RSRC1: variants seen among roughly 807,000 people sequenced by gnomAD.
RSRC1 encodes the protein serine/Arginine-related protein 53.
RSRC1 carries 39 observed loss-of-function variants against 49.1 expected under a neutral mutation model. The ratio of observed to expected loss-of-function variants is 0.79; its 90% CI spans 0.61 to 1.04. RSRC1 has a LOEUF of 1.04. Ranked by LOEUF, RSRC1 falls within the 50% of genes least tolerant of loss-of-function variation. The probability of loss-of-function intolerance (pLI) is 0.00; values close to 1 mark genes in which losing one functional copy is unlikely to be tolerated. For synonymous variants in RSRC1, 143 were observed against 130.8 expected (o/e 1.09, Z -0.63); for missense variants, 388 against 402.4 (o/e 0.96, Z 0.31).
chr3:158,440,443 A>C (rs1246343941), intron 6 of RSRC1, among the ~76,000 whole-genome samples: 3 of 152,086 alleles, frequency 2.0e-5, no homozygotes, highest in African/African-American at 7.2e-5. Context: ...TCTCCAGGGG[A>C]TCTTTGGACA....
intron 4 of RSRC1, among the ~76,000 whole-genome samples, chr3:158,234,649 T>C (rs1268661375): frequency 6.6e-6 from 1 of 152,158 alleles, no homozygotes; most frequent in African/African-American, 2.4e-5. Flanking sequence ...CATTTGTCTC[T>C]TCTGTCTTTC....
chr3:158,419,650 G>C (rs1053884835), intron 6 of RSRC1, among the ~76,000 whole-genome samples: 1 of 151,804 alleles, frequency 6.6e-6, no homozygotes, highest in Non-Finnish European at 1.5e-5. Flanking sequence ...ATGTGTACAT[G>C]CCTCATACAT....
chr3:158,423,469 G>C (rs1207428075), intron 6 of RSRC1, among the ~76,000 whole-genome samples: 1 of 152,014 alleles, frequency 6.6e-6, no homozygotes, highest in Non-Finnish European at 1.5e-5. Context: ...ATGCTGTTTT[G>C]GTTACTGTAG....
At chr3:158,440,241 A>G in intron 6 of RSRC1, among the ~76,000 whole-genome samples, 1 of 152,072 alleles carries the variant, frequency 6.6e-6, no homozygotes, top group African/African-American at 2.4e-5. Flanking sequence ...GCAGACTGGG[A>G]AAAATGAGTG....
intron 4 of RSRC1, among the ~76,000 whole-genome samples, chr3:158,232,097 A>T (rs1004842945): frequency 7.9e-5 from 12 of 152,132 alleles, no homozygotes; most frequent in African/African-American, 2.9e-4. Context: ...ATTAATAGAA[A>T]GCTAATTGAA....
At chr3:158,112,367 T>G (rs1055006979) in intron 1 of RSRC1, among the ~76,000 whole-genome samples, 1 of 152,242 alleles carries the variant, frequency 6.6e-6, no homozygotes, top group African/African-American at 2.4e-5. Flanking sequence ...GATGATATTA[T>G]GGAAATCCAG....
At chr3:158,228,994 G>A (rs1462207546) in intron 4 of RSRC1, among the ~76,000 whole-genome samples, 19 of 115,648 alleles carry the variant, frequency 1.6e-4, no homozygotes, top group Admixed American at 3.4e-4. Context: ...ACACACATAC[G>A]TGTATATGTG....
intron 8 of RSRC1, among the ~76,000 whole-genome samples, chr3:158,538,837 TGATCAGAAGATC>T (rs1462329121): frequency 6.6e-6 from 1 of 151,994 alleles, no homozygotes; most frequent in Non-Finnish European, 1.5e-5. Context: ...CACTTCAAAA[TGATCAGAAGATC>T]AGTGATAGTC....
At chr3:158,399,852 T>C (rs1255397973) in intron 6 of RSRC1, among the ~76,000 whole-genome samples, 1 of 152,184 alleles carries the variant, frequency 6.6e-6, no homozygotes, top group Non-Finnish European at 1.5e-5. Context: ...GATTTTACTC[T>C]ATACATTTCT....
intron 3 of RSRC1, among the ~76,000 whole-genome samples, chr3:158,200,987 C>T (rs984189869): frequency 3.3e-5 from 5 of 152,130 alleles, no homozygotes; most frequent in African/African-American, 1.2e-4. Flanking sequence ...CATCTGTTGT[C>T]ATTCCTTTTC....
chr3:158,467,956 C>T (rs779251955), intron 7 of RSRC1, among the ~76,000 whole-genome samples: 6 of 152,130 alleles, frequency 3.9e-5, no homozygotes, highest in East Asian at 1.9e-4. Flanking sequence ...TTTTTTGAGA[C>T]GGAGTCTCGC....
At chr3:158,241,406 G>T (rs1411268760) in intron 4 of RSRC1, among the ~76,000 whole-genome samples, 1 of 151,980 alleles carries the variant, frequency 6.6e-6, no homozygotes, top group Non-Finnish European at 1.5e-5. Context: ...CTGAGATTAT[G>T]CTACTGCACT....
At position 158,118,462 on chromosome 3, in the gene RSRC1, T is replaced by TGTGTGTGTGTGTGTGTGTGTGC. The variant is rs1491469875; in HGVS notation, c.-2-3640_-2-3639insTGTGTGTGTGTGTGTGTGTGCG. ...GTGTGTGTGTGTGTGTGTGTGTGTG[T>TGTGTGTGTGTGTGTGTGTGTGC]GCGCGTGCGCGTGGTTTTTTTAAAT... is the stretch of plus-strand genomic sequence containing the variant. On this transcript the variant is annotated intron_variant, in intron 1 of 9. Coordinates refer to ENST00000611884, the MANE Select transcript of RSRC1 (RefSeq NM_001271838.2). Among the ~76,000 whole-genome samples, 130 of 124,708 alleles carry TGTGTGTGTGTGTGTGTGTGTGC rather than the reference T, an allele frequency of 1.0e-3. 2 individuals are homozygous for TGTGTGTGTGTGTGTGTGTGTGC. The highest frequency in any genetic ancestry group is 4.3e-3 in the Middle Eastern group (1 of 230). The allele number at this position is 124,708 out of a possible 152,430, so 81.8% of individuals were successfully genotyped here.
intron 4 of RSRC1, among the ~76,000 whole-genome samples, chr3:158,250,967 G>C (rs1193937284): frequency 6.6e-6 from 1 of 152,240 alleles, no homozygotes; most frequent in East Asian, 1.9e-4. Context: ...TTCGTAGTTT[G>C]AGGTCTTAAA....
chr3:158,264,263 A>T (rs530629891), intron 4 of RSRC1, among the ~76,000 whole-genome samples: 3 of 151,972 alleles, frequency 2.0e-5, no homozygotes, highest in Admixed American at 1.3e-4. Context: ...TTTTCCTTTG[A>T]TTTGTTCTTT....
At chr3:158,402,834 G>C (rs1248667780) in intron 6 of RSRC1, among the ~76,000 whole-genome samples, 1 of 151,726 alleles carries the variant, frequency 6.6e-6, no homozygotes. Flanking sequence ...TCATTGGTTG[G>C]ATCTAGATTT....
intron 3 of RSRC1, among the ~76,000 whole-genome samples, chr3:158,201,298 T>C (rs527470326): frequency 1.3e-5 from 2 of 152,276 alleles, no homozygotes; most frequent in African/African-American, 4.8e-5. Context: ...TCTTTACCTT[T>C]AGTTTTTATC....
intron 3 of RSRC1, among the ~76,000 whole-genome samples, chr3:158,148,385 A>T (rs1427366387): frequency 7.6e-6 from 1 of 131,232 alleles, no homozygotes; most frequent in Non-Finnish European, 1.6e-5. Flanking sequence ...GTGTGTGTGT[A>T]TGCGGCACAT....
At chr3:158,222,773 T>C (rs1283451309) in intron 4 of RSRC1, among the ~76,000 whole-genome samples, 1 of 151,702 alleles carries the variant, frequency 6.6e-6, no homozygotes, top group African/African-American at 2.4e-5. Context: ...AAGAAATGTC[T>C]TTGTTTTTAT....
Sources: gnomAD v4.1 joint callset for allele counts (sites outside exome capture counted in the v4.1 genomes callset) on GRCh38, gnomAD v4.1.1 for gene constraint, MANE v1.5 for transcripts, NCBI Gene and HGNC (gene_info 2026-07-23, HGNC 2026-07-21) for gene names.